Variants in PPFIA3 observed in about 807,000 individuals in gnomAD.
The protein encoded by PPFIA3 is liprin-alpha-3.
Under a neutral mutation model 145.8 loss-of-function variants are expected in PPFIA3, and 26 were observed. The observed-to-expected ratio is 0.18, with a 90% confidence interval of 0.13 to 0.25. PPFIA3 has a LOEUF of 0.25. Ranked by LOEUF, PPFIA3 falls within the 10% of genes least tolerant of loss-of-function variation. The pLI is 1.00. For synonymous variants in PPFIA3, 645 were observed against 661.4 expected (o/e 0.98, Z 0.38); for missense variants, 1,008 against 1,587.8 (o/e 0.63, Z 6.21).
At chr19:49,123,763 A>C (rs1460184099) in intron 1 of PPFIA3, among the ~76,000 whole-genome samples, 1 of 152,142 alleles carries the variant, frequency 6.6e-6, no homozygotes, top group Non-Finnish European at 1.5e-5. Flanking sequence ...AATGTAAAAG[A>C]TTCCCAGTGA....
chr19:49,134,179 A>G lies in PPFIA3; in HGVS notation c.1377+14A>G, dbSNP rs1222966638. The G allele has an allele frequency of 3.8e-6, 6 of 1,596,482 alleles. No individual in the cohort carries two copies. The highest frequency in any genetic ancestry group is 1.1e-5 in the South Asian group (1 of 89,072). On this transcript the variant is annotated intron_variant, in intron 11 of 29. Transcript: ENST00000334186. ...CTGGAGGAGAAGGTGCGCCCCCCAT[A>G]CAGGACTGCGGGACGCGGAATTCCG... is the stretch of plus-strand genomic sequence containing the variant.
intron 1 of PPFIA3, among the ~76,000 whole-genome samples, chr19:49,123,089 T>C (rs1332503797): frequency 6.7e-6 from 1 of 148,806 alleles, no homozygotes; most frequent in Non-Finnish European, 1.5e-5. Flanking sequence ...AGTGCAGTGG[T>C]ATGATCTCAG....
chr19:49,133,454 G>C lies in PPFIA3; in HGVS notation c.1161+83G>C. On this transcript the variant is annotated intron_variant, in intron 9 of 29. Coordinates refer to ENST00000334186, the MANE Select transcript of PPFIA3 (RefSeq NM_003660.4). This position sits in a 1 kb window ranked among gnomAD's most constrained non-coding sequence, Gnocchi z 7.2. ...GCGGGGCCGTGAATCTGGAGGGGTA[G>C]GAGCGAGGTCAGAACCCCGGATTTG... The C allele has an allele frequency of 1.4e-6, 2 of 1,446,222 alleles. No individual in the cohort carries two copies. Among genetic ancestry groups the C allele is most frequent in the Non-Finnish European group, 1.8e-6 (2 of 1,095,436 alleles). The allele number at this position is 1,446,222 out of a possible 1,614,324, so 89.6% of individuals were successfully genotyped here. A position where few individuals can be genotyped will look rare whatever the true frequency, so the allele number is the denominator to read the frequency against.
intron 23 of PPFIA3, 63 bp from the exon 24 acceptor site, chr19:49,148,020 T>C: frequency 6.6e-7 from 1 of 1,508,992 alleles, no homozygotes; most frequent in South Asian, 1.3e-5. Flanking sequence ...ACTGTACCCC[T>C]CTCATGCACA....
chr19:49,136,949 C>T lies in PPFIA3; in HGVS notation c.1853+38C>T, dbSNP rs765816808. 48 of 1,454,510 alleles carry T rather than the reference C, an allele frequency of 3.3e-5. No homozygotes were observed. In the East Asian group the frequency reaches 4.0e-4, roughly 12 times the overall value. 90.1% of individuals were successfully genotyped at this position (1,454,510 alleles called of 1,614,324 possible). ...CCCGCCCCGGCCTGCCCTGCCCTGC[C>T]GGAGCTGACTCCACAGCCCTTCTGG... On this transcript the variant is annotated intron_variant, in intron 15 of 29. Transcript: ENST00000334186.
At position 49,134,624 on chromosome 19, in the gene PPFIA3, C is replaced by T; in HGVS notation, c.1378-15C>T. 1.9e-6 allele frequency: 3 copies of T among 1,613,032 alleles called. No homozygotes were observed. The highest frequency in any genetic ancestry group is 2.5e-6 in the Non-Finnish European group (3 of 1,179,502). On this transcript the variant is annotated splice_polypyrimidine_tract_variant and intron_variant, in intron 11 of 29. Coordinates refer to ENST00000334186, the MANE Select transcript of PPFIA3 (RefSeq NM_003660.4). ...CCTCAGGCCTCACTCCCTCACTTCACCTCTGTCTCCACAGAACTCCCTGAG... is the reference window on the plus strand; with the variant it reads ...CCTCAGGCCTCACTCCCTCACTTCATCTCTGTCTCCACAGAACTCCCTGAG...
In PPFIA3 at chr19:49,130,268, T is replaced by C. The variant is rs1483057923; in HGVS notation, c.658-110T>C. On this transcript the variant is annotated intron_variant, in intron 6 of 29. Transcript: ENST00000334186. This position sits in a 1 kb window ranked among gnomAD's most constrained non-coding sequence, Gnocchi z 4.5. Reference sequence around the variant, plus strand: ...TGACCCCCGTGGACTCTGACCAGCATGATCCTTATTGATCTTTGATCTACT... The same window carrying C: ...TGACCCCCGTGGACTCTGACCAGCACGATCCTTATTGATCTTTGATCTACT... 1.1e-5 allele frequency: 14 copies of C among 1,240,462 alleles called. No individual in the cohort carries two copies. Among genetic ancestry groups the C allele is most frequent in the South Asian group, 1.5e-5 (1 of 66,774 alleles). The allele number at this position is 1,240,462 out of a possible 1,614,324, so 76.8% of individuals were successfully genotyped here.
Position 49,128,132 on chromosome 19 carries a change from C to T in PPFIA3, c.240+19C>T. The T allele has an allele frequency of 3.1e-6, 1 of 320,752 alleles. No individual in the cohort carries two copies. Among genetic ancestry groups the T allele is most frequent in the Non-Finnish European group, 5.5e-6 (1 of 181,886 alleles). The allele number at this position is 320,752 out of a possible 1,614,324, so 19.9% of individuals were successfully genotyped here. ...GCCCCAGGTCTGGGCGGGACAGGGG[C>T]GGGGCATGAGGGGGCGGGGCCTCGG... On this transcript the variant is annotated intron_variant, in intron 2 of 29. Coordinates refer to ENST00000334186, the MANE Select transcript of PPFIA3 (RefSeq NM_003660.4). The surrounding 1 kb of genome is among the most constrained non-coding windows in gnomAD (Gnocchi z 4.1).
chr19:49,127,206 A>C lies in PPFIA3; in HGVS notation c.-15-653A>C, dbSNP rs578144239. ...AGACCAGCCTGGCCAACATGGTGAAACCTTGTCTCTACTAAAAATACAAAA... is the reference window on the plus strand; with the variant it reads ...AGACCAGCCTGGCCAACATGGTGAACCCTTGTCTCTACTAAAAATACAAAA... On this transcript the variant is annotated intron_variant, in intron 1 of 29. Transcript: ENST00000334186. 4.1e-4 allele frequency among the ~76,000 whole-genome samples: 62 copies of C among 151,620 alleles called. 1 individual carries two copies. In the South Asian group the frequency reaches 0.012, roughly 29 times the overall value.
At chr19:49,140,248 G>A (rs182549174) in intron 18 of PPFIA3, among the ~76,000 whole-genome samples, 160 bp downstream of exon 18, 210 of 152,310 alleles carry the variant, frequency 1.4e-3, no homozygotes, top group South Asian at 6.2e-3. Flanking sequence ...AGGTAGGCGG[G>A]AGGAGGAGGG....
At chr19:49,140,662 T>G (rs1018991587) in intron 18 of PPFIA3, among the ~76,000 whole-genome samples, 9 of 134,136 alleles carry the variant, frequency 6.7e-5, no homozygotes, top group African/African-American at 2.6e-4. Context: ...TTTTTTTTTT[T>G]TTTTTGTTTG....
rs778011113 is a variant in PPFIA3 at position 49,135,931 on chromosome 19, G to T, written c.1665+8G>T. The stretch of plus-strand genomic sequence containing the variant: ...AAGGAGGAGCCCTCCAAGGTCAGCA[G>T]CTGCCTCTGGGTCCTGGACTGAGCA... On this transcript the variant is annotated splice_region_variant and intron_variant, in intron 14 of 29. Transcript: ENST00000334186. 2 of 1,606,686 alleles carry T rather than the reference G, an allele frequency of 1.2e-6. No homozygotes were observed. Among genetic ancestry groups the T allele is most frequent in the Non-Finnish European group, 1.7e-6 (2 of 1,176,776 alleles).
intron 18 of PPFIA3, among the ~76,000 whole-genome samples, chr19:49,140,664 T>TTTTTTTTTTTTTTTG (rs1568439584): frequency 7.3e-6 from 1 of 137,716 alleles, no homozygotes; most frequent in African/African-American, 2.9e-5. Flanking sequence ...TTTTTTTTTT[T>TTTTTTTTTTTTTTTG]TTTGTTTGGA....
chr19:49,141,229 G>A (rs2041217503), intron 18 of PPFIA3, among the ~76,000 whole-genome samples, 191 bp from the exon 19 acceptor site: 1 of 152,160 alleles, frequency 6.6e-6, no homozygotes, highest in African/African-American at 2.4e-5. Context: ...GCATCCCAGT[G>A]CATCCAGCCG....
At chr19:49,121,426 T>C (rs2040934920) in intron 1 of PPFIA3, among the ~76,000 whole-genome samples, 1 of 151,914 alleles carries the variant, frequency 6.6e-6, no homozygotes, top group Non-Finnish European at 1.5e-5. Flanking sequence ...CTTCCCACCT[T>C]AGCCGCCTGA....
intron 24 of PPFIA3, 74 bp from the exon 25 acceptor site, chr19:49,148,592 G>A: frequency 8.3e-7 from 1 of 1,202,370 alleles, no homozygotes; most frequent in South Asian, 1.3e-5. Context: ...GCAGCCAGTG[G>A]GGAGGGACCC....
intron 4 of PPFIA3, 152 bp downstream of exon 4, chr19:49,129,164 GGGAC>G: frequency 2.0e-6 from 2 of 1,020,982 alleles, no homozygotes; most frequent in Non-Finnish European, 2.8e-6. Context: ...TACATAGACT[GGGAC>G]CTGACTGGTT....
chr19:49,124,581 G>T (rs931306124), intron 1 of PPFIA3, among the ~76,000 whole-genome samples: 2 of 152,174 alleles, frequency 1.3e-5, no homozygotes, highest in South Asian at 4.1e-4. Context: ...CCTATGAGCG[G>T]TTCTTACCCC....
intron 21 of PPFIA3, among the ~76,000 whole-genome samples, chr19:49,143,521 C>T (rs954225227): frequency 8.6e-5 from 13 of 152,028 alleles, no homozygotes; most frequent in Non-Finnish European, 1.3e-4. Context: ...TACAGGCGCC[C>T]GCCACCACGC....
Sources: allele counts gnomAD v4.1 joint callset (sites outside exome capture counted in the v4.1 genomes callset), GRCh38; gene constraint gnomAD v4.1.1; non-coding constraint Gnocchi (gnomAD v3.1); transcripts MANE v1.5; gene names NCBI Gene and HGNC (gene_info 2026-07-23, HGNC 2026-07-21).